NDUFB2: variants seen among roughly 807,000 people sequenced by gnomAD.
NDUFB2 encodes NADH dehydrogenase [ubiquinone] 1 beta subcomplex subunit 2, mitochondrial.
NDUFB2 carries 13 observed loss-of-function variants against 13.4 expected under a neutral mutation model. The ratio of observed to expected loss-of-function variants is 0.97; its 90% confidence interval spans 0.63 to 1.54. The LOEUF (loss-of-function observed/expected upper bound fraction) is 1.54, where lower values mean the gene tolerates loss of function less well. Among genes scored for constraint, NDUFB2 ranks in the 40% most tolerant of loss-of-function variants. NDUFB2 has a pLI of 0.00. For missense variants in NDUFB2, 150 were observed against 139.7 expected, an observed-to-expected ratio of 1.07 and a Z score of -0.37; for synonymous variants, 47 against 50.6, an observed-to-expected ratio of 0.93 and a Z score of 0.30.
chr7:140,701,925 G>A (rs1011726667), intron 1 of NDUFB2: 1 of 603,822 alleles, frequency 1.7e-6, no homozygotes, highest in Non-Finnish European at 3.0e-6. Flanking sequence ...GACAGAGTGA[G>A]ACTCTCGCAA....
intron 1 of NDUFB2, among the ~76,000 whole-genome samples, chr7:140,698,928 C>T (rs1345323327): frequency 2.6e-5 from 4 of 152,148 alleles, no homozygotes; most frequent in Admixed American, 2.6e-4. Flanking sequence ...GAGGCTGAGG[C>T]GGGCGGATCA....
At chr7:140,697,513 C>T (rs1416162212) in intron 1 of NDUFB2, 16 of 439,420 alleles carry the variant, frequency 3.6e-5, no homozygotes, top group Non-Finnish European at 5.9e-5. Context: ...GCTGGGGGTG[C>T]GAGGTAGGGA....
chr7:140,698,370 C>A, intron 1 of NDUFB2: 1 of 1,285,708 alleles, frequency 7.8e-7, no homozygotes, highest in Non-Finnish European at 1.0e-6. Flanking sequence ...TTTCTAGGTG[C>A]TGAGGATATA....
intron 3 of NDUFB2, chr7:140,706,038 GTTATGTTATGTTATGTTATGTT>G (rs1403399874): frequency 5.7e-5 from 8 of 140,774 alleles, no homozygotes; most frequent in Middle Eastern, 3.5e-3. Context: ...AGTTTGTTAT[GTTATGTTATGTTATGTTATGTT>G]TTATGTTATG....
chr7:140,697,431 C>A (rs922555875), intron 1 of NDUFB2: 4 of 701,340 alleles, frequency 5.7e-6, no homozygotes, highest in Admixed American at 2.0e-5. Context: ...GCTGGGGCAG[C>A]CGTGGCGTTT....
chr7:140,704,907 A>G lies in NDUFB2; in HGVS notation c.291A>G (p.Leu97=). Residue 97 remains leucine (L), a synonymous_variant, in exon 3 of 4, where the codon TTA becomes TTG. Transcript: ENST00000247866. ...CTTCCCAGTGGACAGATGAAGAATT[A>G]GGTATCCCTCCTGATGATGAAGACT... ...PDPSQWTDEE[L]GIPPDDED is the part of the protein sequence containing the mutation. The G allele has an allele frequency of 6.2e-7, 1 of 1,605,354 alleles. No individual in the cohort carries two copies. The highest frequency in any genetic ancestry group is 1.1e-5 in the South Asian group (1 of 89,274).
chr7:140,702,059 G>A (rs1266451726), intron 1 of NDUFB2: 3 of 702,050 alleles, frequency 4.3e-6, no homozygotes, highest in Middle Eastern at 2.3e-4. Context: ...CTACAGGTAC[G>A]AATTTCTGTG....
chr7:140,706,151 C>T (rs899038188), intron 3 of NDUFB2: 121 of 151,858 alleles, frequency 8.0e-4, no homozygotes, highest in African/African-American at 2.5e-3. Context: ...TGGAGTGCAG[C>T]GTGATCATGG....
intron 1 of NDUFB2, chr7:140,698,127 T>C: frequency 7.4e-7 from 1 of 1,351,664 alleles, no homozygotes; most frequent in Non-Finnish European, 9.8e-7. Flanking sequence ...CCCACATGGA[T>C]GAAGAATCTG....
chr7:140,697,519 AGGG>A, intron 1 of NDUFB2: 1 of 437,012 alleles, frequency 2.3e-6, no homozygotes, highest in Non-Finnish European at 3.7e-6. Context: ...GGTGCGAGGT[AGGG>A]AGCGGGTGCG....
intron 2 of NDUFB2, among the ~76,000 whole-genome samples, chr7:140,704,184 G>A (rs1794935474): frequency 6.6e-6 from 1 of 152,202 alleles, no homozygotes; most frequent in African/African-American, 2.4e-5. Context: ...ACTTTGAGTT[G>A]TAGTAAATTT....
intron 2 of NDUFB2, among the ~76,000 whole-genome samples, 191 bp downstream of exon 2, chr7:140,703,201 G>A (rs888818758): frequency 2.6e-5 from 4 of 151,424 alleles, no homozygotes; most frequent in East Asian, 1.9e-4. Context: ...TTTTTTACAC[G>A]AGGATGTATA....
Position 140,703,052 on chromosome 7 carries a change from G to A in NDUFB2, c.243+42G>A, listed in dbSNP as rs756260391. On this transcript the variant is annotated intron_variant, in intron 2 of 3. Coordinates refer to ENST00000247866, the MANE Select transcript of NDUFB2 (RefSeq NM_004546.3). ...AGCACTTGTCGTTTTTTGGGTGGGG[G>A]AGGGAGGATGTATTAATAGCTTGTT... The A allele has an allele frequency of 1.2e-4, 190 of 1,605,426 alleles. 1 individual carries two copies. The highest frequency in any genetic ancestry group is 1.6e-4 in the Non-Finnish European group (184 of 1,173,754).
intron 2 of NDUFB2, among the ~76,000 whole-genome samples, chr7:140,703,272 C>CT (rs1794921130): frequency 3.8e-5 from 5 of 132,930 alleles, no homozygotes; most frequent in Non-Finnish European, 7.8e-5. Flanking sequence ...ACTAAAAGCT[C>CT]ATTTTTTTTT....
rs1563215972 is a variant in NDUFB2 at position 140,704,923 on chromosome 7, GAT to G, written c.308_309del (p.Asp103GlyfsTer6). 6.2e-7 allele frequency: 1 copy of G among 1,600,328 alleles called. No homozygotes were observed. The highest frequency in any genetic ancestry group is 1.7e-5 in the Admixed American group (1 of 58,104). ...TGAAGAATTAGGTATCCCTCCTGATGATGAAGACTGAAGGTGTAGACTCAGCC... is the reference window on the plus strand; with the variant it reads ...TGAAGAATTAGGTATCCCTCCTGATGGAAGACTGAAGGTGTAGACTCAGCC... Reference protein sequence around the residue: ...TDEELGIPPDDED With the variant: ...TDEELGIPPDXED On this transcript the variant is annotated frameshift_variant, in exon 3 of 4. Coordinates refer to ENST00000247866, the MANE Select transcript of NDUFB2 (RefSeq NM_004546.3). LOFTEE classifies it high-confidence loss of function.
chr7:140,702,313 A>G (rs1224314780), intron 1 of NDUFB2, among the ~76,000 whole-genome samples: 1 of 152,192 alleles, frequency 6.6e-6, no homozygotes, highest in Non-Finnish European at 1.5e-5. Flanking sequence ...CTGTGCCACA[A>G]CTTGTCAAGT....
chr7:140,701,912 G>A (rs763014656), intron 1 of NDUFB2: 2 of 570,714 alleles, frequency 3.5e-6, no homozygotes, highest in Non-Finnish European at 6.3e-6. Context: ...CTCCAGCCTG[G>A]GTGACAGAGT....
chr7:140,702,668 T>G, intron 1 of NDUFB2, 198 bp from the exon 2 acceptor site: 1 of 552,936 alleles, frequency 1.8e-6, no homozygotes, highest in Non-Finnish European at 3.1e-6. Context: ...TCTTGTCAGT[T>G]TTGGTCAGTT....
chr7:140,698,147 C>T, intron 1 of NDUFB2: 4 of 1,351,916 alleles, frequency 3.0e-6, no homozygotes, highest in Non-Finnish European at 3.9e-6. Context: ...GGAGCTGGGG[C>T]AGGTGTGGGG....
Sources: gnomAD v4.1 joint callset for allele counts (sites outside exome capture counted in the v4.1 genomes callset) on GRCh38, gnomAD v4.1.1 for gene constraint, MANE v1.5 for transcripts, NCBI Gene and HGNC (gene_info 2026-07-23, HGNC 2026-07-21) for gene names.